Variants in PCDHA8 observed in about 807,000 individuals in gnomAD.
PCDHA8 encodes the protein protocadherin alpha 8.
In PCDHA8, 53 loss-of-function variants were observed where a neutral mutation model predicts 61.8. The observed-to-expected ratio is 0.86, with a 90% confidence interval of 0.69 to 1.08. The LOEUF is 1.08. Ranked by LOEUF, PCDHA8 falls within the 50% of genes least tolerant of loss-of-function variation. The pLI is 0.00. For synonymous variants in PCDHA8, 618 were observed against 556.6 expected (o/e 1.11, Z -1.55); for missense variants, 1,293 against 1,245.0 (o/e 1.04, Z -0.58).
intron 1 of PCDHA8, chr5:140,848,245 A>G: frequency 2.2e-6 from 1 of 452,154 alleles, no homozygotes; most frequent in Non-Finnish European, 3.9e-6. Context: ...AGTTTTGCAG[A>G]ATAACTGTGA....
At chr5:140,850,178 T>G in intron 1 of PCDHA8, 1 of 1,593,294 alleles carries the variant, frequency 6.3e-7, no homozygotes, top group Non-Finnish European at 8.6e-7. Flanking sequence ...AGAACGACAA[T>G]GCGCCGGCGC....
chr5:140,995,905 G>C (rs1346539389), intron 3 of PCDHA8, among the ~76,000 whole-genome samples: 1 of 152,186 alleles, frequency 6.6e-6, no homozygotes, highest in Non-Finnish European at 1.5e-5. Flanking sequence ...GTATAAAAGA[G>C]GAGAGACCAT....
At chr5:140,941,247 C>CT (rs1398354432) in intron 1 of PCDHA8, among the ~76,000 whole-genome samples, 1 of 128,506 alleles carries the variant, frequency 7.8e-6, no homozygotes, top group African/African-American at 2.9e-5. Context: ...TTCTTTCTTT[C>CT]TTTCTTTCTC....
Position 140,869,285 on chromosome 5 carries a change from A to C in PCDHA8, c.2394+25570A>C, listed in dbSNP as rs201493000. The stretch of plus-strand genomic sequence containing the variant: ...GGGCTGGAGCTGGCGGAGCTGGTGC[A>C]GCGCCTGTTCCGGGTGGCGTCCAAA... On this transcript the variant is annotated intron_variant, in intron 1 of 3. Transcript: ENST00000531613. The C allele has an allele frequency of 2.9e-3, 4,695 of 1,613,540 alleles. 19 individuals carry two copies. Among genetic ancestry groups the C allele is most frequent in the African/African-American group, 9.9e-3 (743 of 75,038 alleles).
At chr5:140,881,224 A>G (rs1254771945) in intron 1 of PCDHA8, 1 of 264,386 alleles carries the variant, frequency 3.8e-6, no homozygotes, top group Non-Finnish European at 5.9e-6. Context: ...TTCTTGGAAA[A>G]TTAAAGTCAA....
At chr5:140,940,101 G>A (rs754155361) in intron 1 of PCDHA8, among the ~76,000 whole-genome samples, 23 of 152,148 alleles carry the variant, frequency 1.5e-4, no homozygotes, top group Non-Finnish European at 3.2e-4. Flanking sequence ...AACTTTTAGC[G>A]TTATGTATTA....
At position 140,871,104 on chromosome 5, in the gene PCDHA8, G is replaced by A. The variant is rs377444052; in HGVS notation, c.2394+27389G>A. 1,642 of 1,613,308 alleles carry A rather than the reference G, an allele frequency of 1.0e-3. 2 individuals are homozygous for A. Among genetic ancestry groups the A allele is most frequent in the Non-Finnish European group, 1.0e-3 (1,175 of 1,179,876 alleles). On this transcript the variant is annotated intron_variant, in intron 1 of 3. Coordinates refer to ENST00000531613, the MANE Select transcript of PCDHA8 (RefSeq NM_018911.3). ...CGGCCACGGCCACCGTGCTGGTGTC[G>A]TTGGTGGAGAGCGGACAGGCGCCAA...
At position 140,849,935 on chromosome 5, in the gene PCDHA8, G is replaced by C. The variant is rs2150458512; in HGVS notation, c.2394+6220G>C. The C allele has an allele frequency of 9.4e-6, 15 of 1,598,054 alleles. 1 individual carries two copies. In the East Asian group the frequency reaches 3.1e-4, roughly 33 times the overall value. On this transcript the variant is annotated intron_variant, in intron 1 of 3. Transcript: ENST00000531613. ...GCCACATCTTCACGGTGTCTGCGCG[G>C]GACGCTGACGCGCAGGAGAACGCCC...
At chr5:140,940,271 T>C (rs1371680526) in intron 1 of PCDHA8, among the ~76,000 whole-genome samples, 1 of 152,228 alleles carries the variant, frequency 6.6e-6, no homozygotes, top group East Asian at 1.9e-4. Context: ...GGTTCCACTG[T>C]TGTCTCATTG....
intron 3 of PCDHA8, among the ~76,000 whole-genome samples, chr5:140,992,328 A>G (rs2097505285): frequency 6.6e-6 from 1 of 152,150 alleles, no homozygotes; most frequent in South Asian, 2.1e-4. Flanking sequence ...CTTTTCTAAG[A>G]GCAAAGATGG....
At chr5:140,946,611 A>ATATATATATATATATATATATATAT (rs2093972523) in intron 1 of PCDHA8, among the ~76,000 whole-genome samples, 1 of 86,812 alleles carries the variant, frequency 1.2e-5, no homozygotes, top group African/African-American at 6.4e-5. Context: ...GAAAATGTGA[A>ATATATATATATATATATATATATAT]ATATATATAT....
At chr5:140,872,797 C>T (rs2153276720) in intron 1 of PCDHA8, among the ~76,000 whole-genome samples, 1 of 152,196 alleles carries the variant, frequency 6.6e-6, no homozygotes, top group South Asian at 2.1e-4. Flanking sequence ...AGTTGGCATT[C>T]TTCCATAAGT....
chr5:140,922,337 T>C lies in PCDHA8; in HGVS notation c.2395-56612T>C, dbSNP rs150639608. On this transcript the variant is annotated intron_variant, in intron 1 of 3. Transcript: ENST00000531613. ...GAAGATCTTGGAAAGGGTTGGTATA[T>C]TGGTATTTTCTAGAGTAGTGATTCT... Among the ~76,000 whole-genome samples the C allele has an allele frequency of 3.4e-3, 512 of 152,346 alleles. 3 individuals carry two copies. The highest frequency in any genetic ancestry group is 0.012 in the African/African-American group (489 of 41,580).
intron 1 of PCDHA8, among the ~76,000 whole-genome samples, chr5:140,892,931 G>A (rs77081198): frequency 0.011 from 1,609 of 152,196 alleles, 17 homozygotes; most frequent in African/African-American, 0.028. Flanking sequence ...CCCAGCCTCT[G>A]ATAAGCACAA....
At chr5:141,006,774 A>G (rs1435816376) in intron 3 of PCDHA8, among the ~76,000 whole-genome samples, 8 of 152,172 alleles carry the variant, frequency 5.3e-5, no homozygotes, top group Admixed American at 3.3e-4. Flanking sequence ...AGAATAGAGA[A>G]AAATGAATAA....
chr5:140,844,744 G>C (rs1779527366), intron 1 of PCDHA8, among the ~76,000 whole-genome samples: 1 of 149,016 alleles, frequency 6.7e-6, no homozygotes, highest in Non-Finnish European at 1.5e-5. Flanking sequence ...TAGTATTATG[G>C]GATAAATCTT....
chr5:140,945,425 G>T (rs246059), intron 1 of PCDHA8, among the ~76,000 whole-genome samples: 85,681 of 151,722 alleles, frequency 0.56, 24,785 homozygotes, highest in African/African-American at 0.69. Flanking sequence ...TTTCAATGAA[G>T]TTTTTACAGA....
intron 1 of PCDHA8, among the ~76,000 whole-genome samples, chr5:140,887,041 A>G (rs1166286264): frequency 6.6e-6 from 1 of 152,026 alleles, no homozygotes; most frequent in African/African-American, 2.4e-5. Flanking sequence ...AATATTTTTT[A>G]TAGTGCATAT....
intron 1 of PCDHA8, among the ~76,000 whole-genome samples, chr5:140,921,910 A>G (rs1474219286): frequency 6.6e-6 from 1 of 152,086 alleles, no homozygotes; most frequent in Non-Finnish European, 1.5e-5. Context: ...TATATATTAC[A>G]TGATAAAACT....
Sources: allele counts gnomAD v4.1 joint callset (sites outside exome capture counted in the v4.1 genomes callset), GRCh38; gene constraint gnomAD v4.1.1; transcripts MANE v1.5; gene names NCBI Gene and HGNC (gene_info 2026-07-23, HGNC 2026-07-21).